Variants in CHCHD6 observed in about 807,000 individuals in gnomAD.
The protein encoded by CHCHD6 is MICOS complex subunit MIC25.
In CHCHD6, 28 loss-of-function variants were observed where a neutral mutation model predicts 32.3. The ratio of observed to expected loss-of-function variants is 0.87; its 90% CI spans 0.64 to 1.19. The LOEUF is 1.19. CHCHD6 is among the 50% of genes most tolerant of loss of function. The pLI is 0.00. For synonymous variants in CHCHD6, 122 were observed against 117.5 expected, an observed-to-expected ratio of 1.04 and a Z score of -0.25; for missense variants, 333 against 307.0, an observed-to-expected ratio of 1.08 and a Z score of -0.63.
At position 126,704,468 on chromosome 3, in the gene CHCHD6, G is replaced by A. The variant is rs568339846; in HGVS notation, c.87+69G>A. The A allele has an allele frequency of 1.0e-4, 103 of 996,838 alleles. 1 individual carries two copies. In the African/African-American group the frequency reaches 1.5e-3, roughly 14 times the overall value. The allele number at this position is 996,838 out of a possible 1,614,324, so 61.7% of individuals were successfully genotyped here. Reference sequence around the variant, plus strand: ...GCGCGGGGGGGAGGTGCGGGGCGGAGCGCAGGGCCGGGGCTCTTTCCACGC... The same window carrying A: ...GCGCGGGGGGGAGGTGCGGGGCGGAACGCAGGGCCGGGGCTCTTTCCACGC... On this transcript the variant is annotated intron_variant, in intron 1 of 7. Coordinates refer to ENST00000290913, the MANE Select transcript of CHCHD6 (RefSeq NM_032343.3).
chr3:126,748,848 C>T (rs548492106), intron 4 of CHCHD6, among the ~76,000 whole-genome samples: 16 of 152,194 alleles, frequency 1.1e-4, no homozygotes, highest in African/African-American at 3.6e-4. Context: ...AGAAGTGACC[C>T]GATCCTGACC....
At chr3:126,826,478 T>A (rs573345831) in intron 4 of CHCHD6, among the ~76,000 whole-genome samples, 3 of 152,188 alleles carry the variant, frequency 2.0e-5, no homozygotes, top group Non-Finnish European at 2.9e-5. Context: ...GAAGGCTAGC[T>A]ATTGGTAAGT....
intron 4 of CHCHD6, among the ~76,000 whole-genome samples, chr3:126,779,169 C>T (rs1286202851): frequency 6.6e-6 from 1 of 152,030 alleles, no homozygotes; most frequent in African/African-American, 2.4e-5. Flanking sequence ...ATTGCTGGTA[C>T]TTTTATTGTC....
chr3:126,877,949 G>A (rs551453661), intron 5 of CHCHD6, among the ~76,000 whole-genome samples: 13 of 152,346 alleles, frequency 8.5e-5, no homozygotes, highest in African/African-American at 1.2e-4. Flanking sequence ...TACATCCTCA[G>A]TAGAGTGTAT....
chr3:126,766,555 TC>T, intron 4 of CHCHD6: 1 of 1,109,420 alleles, frequency 9.0e-7, no homozygotes, highest in Non-Finnish European at 1.4e-6. Flanking sequence ...GAAAATGCCA[TC>T]CAGAGTCTTC....
At chr3:126,831,023 GTCT>G (rs1940616158) in intron 4 of CHCHD6, among the ~76,000 whole-genome samples, 1 of 149,130 alleles carries the variant, frequency 6.7e-6, no homozygotes, top group Non-Finnish European at 1.5e-5. Context: ...GGCCCTGCCA[GTCT>G]TCTTTTTTTT....
intron 4 of CHCHD6, among the ~76,000 whole-genome samples, chr3:126,821,335 T>C (rs1185707318): frequency 6.6e-6 from 1 of 152,226 alleles, no homozygotes; most frequent in Non-Finnish European, 1.5e-5. Context: ...CTCAGATATA[T>C]GATAATGCTG....
At chr3:126,768,205 T>G (rs985895248) in intron 4 of CHCHD6, among the ~76,000 whole-genome samples, 1 of 152,158 alleles carries the variant, frequency 6.6e-6, no homozygotes, top group Non-Finnish European at 1.5e-5. Context: ...TAGTGCTGTT[T>G]GTGTGATAGT....
At position 126,940,125 on chromosome 3, in the gene CHCHD6, G is replaced by A. The variant is rs537362417; in HGVS notation, c.567-17291G>A. Among the ~76,000 whole-genome samples, 272 of 152,228 alleles carry A rather than the reference G, an allele frequency of 1.8e-3. 1 individual carries two copies. The highest frequency in any genetic ancestry group is 6.3e-3 in the African/African-American group (260 of 41,524). On this transcript the variant is annotated intron_variant, in intron 6 of 7. Transcript: ENST00000290913. The stretch of plus-strand genomic sequence containing the variant: ...AGGTTTTTCAAAAGGAAAAAGTTTC[G>A]TCTTCTGATTTATAAAAATGATACA...
At chr3:126,710,584 A>G (rs546088310) in intron 1 of CHCHD6, among the ~76,000 whole-genome samples, 22 of 152,304 alleles carry the variant, frequency 1.4e-4, no homozygotes, top group African/African-American at 4.8e-4. Flanking sequence ...ATATCTCTTC[A>G]TTCATTAGAT....
intron 5 of CHCHD6, among the ~76,000 whole-genome samples, chr3:126,884,182 A>G (rs1215463751): frequency 6.6e-6 from 1 of 152,190 alleles, no homozygotes; most frequent in Admixed American, 6.5e-5. Context: ...CCCGGGTTCT[A>G]TGTGTGAAGT....
At chr3:126,748,604 A>AG (rs1289759473) in intron 4 of CHCHD6, among the ~76,000 whole-genome samples, 1 of 151,810 alleles carries the variant, frequency 6.6e-6, no homozygotes, top group East Asian at 1.9e-4. Context: ...CCAAAAAAAA[A>AG]AAAAAAAAGA....
chr3:126,923,954 CT>C (rs1407791098), intron 6 of CHCHD6, among the ~76,000 whole-genome samples: 2 of 152,208 alleles, frequency 1.3e-5, no homozygotes. Context: ...CACAGCTCTC[CT>C]TTTGGGGATG....
chr3:126,914,782 T>C (rs151150047), intron 6 of CHCHD6, 32 bp downstream of exon 6: 2 of 1,296,918 alleles, frequency 1.5e-6, no homozygotes, highest in African/African-American at 2.9e-5. Context: ...TTTGTAAACT[T>C]GGCCCACAAT....
At chr3:126,799,948 C>T (rs1210561956) in intron 4 of CHCHD6, among the ~76,000 whole-genome samples, 2 of 152,126 alleles carry the variant, frequency 1.3e-5, no homozygotes, top group African/African-American at 2.4e-5. Flanking sequence ...AGGTCTACCC[C>T]ATCATTTTTC....
chr3:126,910,489 G>A (rs1041377310), intron 5 of CHCHD6, among the ~76,000 whole-genome samples: 1 of 152,106 alleles, frequency 6.6e-6, no homozygotes, highest in East Asian at 1.9e-4. Context: ...CAGGCTCCTC[G>A]CACTGCTGCC....
intron 4 of CHCHD6, 36 bp downstream of exon 4, chr3:126,733,258 C>T: frequency 1.3e-6 from 2 of 1,591,722 alleles, no homozygotes; most frequent in African/African-American, 1.3e-5. Flanking sequence ...GCCTTCTGAG[C>T]TGGGCAGCAC....
intron 4 of CHCHD6, among the ~76,000 whole-genome samples, chr3:126,807,729 A>T (rs1225873484): frequency 6.6e-6 from 1 of 152,250 alleles, no homozygotes; most frequent in Admixed American, 6.5e-5. Context: ...ATTTTAGAAT[A>T]TAAAGGACAA....
At chr3:126,766,986 G>T (rs1423505247) in intron 4 of CHCHD6, 2 of 889,902 alleles carry the variant, frequency 2.2e-6, no homozygotes, top group East Asian at 2.4e-5. Flanking sequence ...TAGCGCCACA[G>T]GCTACGTCTC....
Sources: allele counts gnomAD v4.1 joint callset (sites outside exome capture counted in the v4.1 genomes callset), GRCh38; gene constraint gnomAD v4.1.1; transcripts MANE v1.5; gene names NCBI Gene and HGNC (gene_info 2026-07-23, HGNC 2026-07-21).